Variants in ENAH observed in about 807,000 individuals in gnomAD.
The protein encoded by ENAH is protein enabled homolog.
Under a neutral mutation model 78.7 loss-of-function variants are expected in ENAH, and 23 were observed. That is an observed-to-expected ratio of 0.29 (90% CI 0.21 to 0.41). ENAH has a LOEUF of 0.41. ENAH is among the 10% of genes least tolerant of loss of function. The pLI is 1.00. For synonymous variants in ENAH, 226 were observed against 241.0 expected (o/e 0.94, Z 0.58); for missense variants, 544 against 691.0 (o/e 0.79, Z 2.39).
chr1:225,534,301 G>C (rs919757017), intron 3 of ENAH, among the ~76,000 whole-genome samples: 1 of 152,014 alleles, frequency 6.6e-6, no homozygotes, highest in African/African-American at 2.4e-5. Flanking sequence ...GGGAGAGGAG[G>C]GATTTATGAA....
intron 1 of ENAH, among the ~76,000 whole-genome samples, chr1:225,632,598 G>GA (rs1415334156): frequency 5.3e-5 from 8 of 152,000 alleles, no homozygotes; most frequent in East Asian, 3.9e-4. Flanking sequence ...TATGTTGACT[G>GA]AAAAAATGTG....
In ENAH at chr1:225,546,531, G is replaced by A. The variant is rs80095338; in HGVS notation, c.349+8375C>T. On this transcript the variant is annotated intron_variant, in intron 3 of 13. Transcript: ENST00000366843. ...CCCTAACACATCCATGGTAGGTAAA[G>A]AATACCTAAATACAGTCCTTGGGAG... Among the ~76,000 whole-genome samples the A allele has an allele frequency of 5.3e-3, 812 of 152,198 alleles. 10 individuals carry two copies. Among genetic ancestry groups the A allele is most frequent in the African/African-American group, 0.018 (764 of 41,536 alleles).
In ENAH at chr1:225,487,890, TTC is replaced by T. The variant is rs1176949746; in HGVS notation, c.*9883_*9884del. On this transcript the variant is annotated 3_prime_UTR_variant, in exon 14 of 14. Transcript: ENST00000366843. ...CATAAGAAATTCACTTTTAAATTTTTTCTACTGTGCTGTTCTACTATATACTT... is the reference window on the plus strand; with the variant it reads ...CATAAGAAATTCACTTTTAAATTTTTTACTGTGCTGTTCTACTATATACTT... The T allele has an allele frequency of 6.6e-6, 1 of 152,218 alleles. No homozygotes were observed. Among genetic ancestry groups the T allele is most frequent in the Non-Finnish European group, 1.5e-5 (1 of 68,040 alleles). The allele number at this position is 152,218 out of a possible 1,614,324, so 9.4% of individuals were successfully genotyped here. A position where few individuals can be genotyped will look rare whatever the true frequency, so the allele number is the denominator to read the frequency against.
chr1:225,623,371 A>C (rs1657344227), intron 1 of ENAH, among the ~76,000 whole-genome samples: 1 of 152,174 alleles, frequency 6.6e-6, no homozygotes, highest in South Asian at 2.1e-4. Flanking sequence ...GTGACTGAGA[A>C]AAGAAAAAAA....
intron 1 of ENAH, among the ~76,000 whole-genome samples, chr1:225,648,758 CTTT>C (rs57529265): frequency 7.4e-6 from 1 of 134,688 alleles, no homozygotes. Context: ...AGATTATCTC[CTTT>C]TTTTTTTTTT....
At chr1:225,545,685 G>A (rs2096609466) in intron 3 of ENAH, among the ~76,000 whole-genome samples, 1 of 152,046 alleles carries the variant, frequency 6.6e-6, no homozygotes, top group Non-Finnish European at 1.5e-5. Context: ...GCTGTGGCAT[G>A]CTGTTCTGGC....
intron 1 of ENAH, among the ~76,000 whole-genome samples, chr1:225,587,091 C>T (rs926579233): frequency 6.6e-6 from 1 of 152,120 alleles, no homozygotes; most frequent in South Asian, 2.1e-4. Context: ...GAACATCATA[C>T]TTAATTTTGA....
intron 1 of ENAH, among the ~76,000 whole-genome samples, chr1:225,620,342 A>C (rs1656582328): frequency 6.6e-6 from 1 of 152,008 alleles, no homozygotes; most frequent in South Asian, 2.1e-4. Context: ...CCTGGCCAAC[A>C]TGGTGAAACC....
Position 225,504,271 on chromosome 1 carries a change from G to A in ENAH, c.1539-3201C>T, listed in dbSNP as rs12063898. ...TGATCCTCCAGCCTTGGCCTCCCAA[G>A]GTGCTGAAACTATAGGTGTGAACCA... On this transcript the variant is annotated intron_variant, in intron 11 of 13. Coordinates refer to ENST00000366843, the MANE Select transcript of ENAH (RefSeq NM_018212.6). Among the ~76,000 whole-genome samples the A allele has an allele frequency of 1.5e-3, 229 of 152,020 alleles. 1 individual carries two copies. The highest frequency in any genetic ancestry group is 5.1e-3 in the African/African-American group (211 of 41,476).
Position 225,525,768 on chromosome 1 carries a change from T to C in ENAH, c.434+4786A>G, listed in dbSNP as rs756931467. Among the ~76,000 whole-genome samples, 50 of 152,274 alleles carry C rather than the reference T, an allele frequency of 3.3e-4. No homozygotes were observed. In the Middle Eastern group the frequency reaches 0.017, roughly 52 times the overall value. On this transcript the variant is annotated intron_variant, in intron 4 of 13. Coordinates refer to ENST00000366843, the MANE Select transcript of ENAH (RefSeq NM_018212.6). ...GAGGAGATTTTAGACTGGAAAGAGA[T>C]TCTCTTAGGATTTTGAAGCTCCCCC...
Position 225,652,725 on chromosome 1 carries a change from G to T in ENAH, c.-35C>A. ...GGCGCAGAGGCTTCCCCACCAGCCG[G>T]GAGACGCAGAAGGCGCCGAGCCGAG... On this transcript the variant is annotated 5_prime_UTR_variant, in exon 1 of 14. Transcript: ENST00000366843. 1 of 1,317,628 alleles carries T rather than the reference G, an allele frequency of 7.6e-7. No homozygotes were observed. Among genetic ancestry groups the T allele is most frequent in the Non-Finnish European group, 9.7e-7 (1 of 1,035,282 alleles). The allele number at this position is 1,317,628 out of a possible 1,614,324, so 81.6% of individuals were successfully genotyped here. A position where few individuals can be genotyped will look rare whatever the true frequency, so the allele number is the denominator to read the frequency against.
chr1:225,610,349 C>A (rs1057292997), intron 1 of ENAH, among the ~76,000 whole-genome samples: 3 of 152,004 alleles, frequency 2.0e-5, no homozygotes, highest in African/African-American at 7.2e-5. Flanking sequence ...GCTCAAAGAT[C>A]AAACAATTAA....
intron 1 of ENAH, among the ~76,000 whole-genome samples, chr1:225,603,552 C>T (rs1192270761): frequency 1.3e-5 from 2 of 152,090 alleles, no homozygotes; most frequent in African/African-American, 4.8e-5. Flanking sequence ...AAATTCAGTA[C>T]TAGTATCAAA....
chr1:225,497,853 T>C (rs1401743171), intron 13 of ENAH, 41 bp from the exon 14 acceptor site: 1 of 1,552,792 alleles, frequency 6.4e-7, no homozygotes, highest in East Asian at 2.3e-5. Flanking sequence ...AATATAATGA[T>C]AAAGTAAGAT....
At chr1:225,603,798 T>C (rs551702966) in intron 1 of ENAH, among the ~76,000 whole-genome samples, 4 of 152,174 alleles carry the variant, frequency 2.6e-5, no homozygotes, top group Non-Finnish European at 5.9e-5. Context: ...GATACAAACT[T>C]GTAAAACTGA....
intron 1 of ENAH, among the ~76,000 whole-genome samples, chr1:225,638,360 T>C (rs1660430416): frequency 6.6e-6 from 1 of 152,106 alleles, no homozygotes; most frequent in Non-Finnish European, 1.5e-5. Context: ...AGATAGACCA[T>C]GTTGCCTAAG....
intron 6 of ENAH, chr1:225,515,251 T>C (rs780609644): frequency 1.2e-4 from 31 of 251,256 alleles, no homozygotes; most frequent in Admixed American, 1.1e-4. Context: ...AACTAGTATA[T>C]AGGATGGCAG....
chr1:225,558,841 G>A (rs2096683827), intron 2 of ENAH, among the ~76,000 whole-genome samples: 1 of 151,886 alleles, frequency 6.6e-6, no homozygotes, highest in Non-Finnish European at 1.5e-5. Context: ...CACCATGTTA[G>A]CCAGGAAGGT....
chr1:225,653,718 G>A (rs558264608), upstream of ENAH, among the ~76,000 whole-genome samples: 251 of 152,310 alleles, frequency 1.6e-3, no homozygotes, highest in Non-Finnish European at 2.9e-3. The surrounding 1 kb of genome is among the most constrained non-coding windows in gnomAD (Gnocchi z 4.3). Flanking sequence ...GCCCTGTTGC[G>A]GTCTCAGGAC....
Sources: allele counts gnomAD v4.1 joint callset (sites outside exome capture counted in the v4.1 genomes callset), GRCh38; gene constraint gnomAD v4.1.1; non-coding constraint Gnocchi (gnomAD v3.1); transcripts MANE v1.5; gene names NCBI Gene and HGNC (gene_info 2026-07-23, HGNC 2026-07-21).